The following FAM204A variants were observed in gnomAD, a reference collection of about 807,000 sequenced individuals.
FAM204A encodes family with sequence similarity 204 member A, also known as protein FAM204A.
FAM204A carries 16 observed loss-of-function variants against 35.4 expected under a neutral mutation model. The ratio of observed to expected loss-of-function variants is 0.45; its 90% confidence interval spans 0.31 to 0.69. The LOEUF is 0.69. FAM204A is among the 30% of genes least tolerant of loss of function. FAM204A has a pLI of 0.07. For missense variants in FAM204A, 240 were observed against 265.7 expected (o/e 0.90, Z 0.67); for synonymous variants, 76 against 86.9 (o/e 0.88, Z 0.70).
chr10:118,327,706 T>G (rs1352684092), intron 6 of FAM204A, among the ~76,000 whole-genome samples: 6 of 152,238 alleles, frequency 3.9e-5, no homozygotes, highest in African/African-American at 1.4e-4. Context: ...GTACCAGGTC[T>G]GGTCTGTACA....
At position 118,336,311 on chromosome 10, in the gene FAM204A, A is replaced by C; in HGVS notation, c.105T>G (p.Asp35Glu). The change falls in exon 3 of 9, where the codon GAT (aspartate) becomes GAG (glutamate). Residue 35 changes from aspartate to glutamate, a missense_variant. Asp to Glu is a conservative substitution (Grantham distance 45, BLOSUM62 2). Coordinates refer to ENST00000369183, the MANE Select transcript of FAM204A (RefSeq NM_022063.3). ...LENSGLNLQE[D>E]KEDESIRKTE... ...TTTTTCTGATGCTCTCATCCTCTTT[A>C]TCTTCCTGTAAGTTAAGTCCAGAGT... 1.9e-5 allele frequency: 30 copies of C among 1,613,958 alleles called. No individual in the cohort carries two copies. The highest frequency in any genetic ancestry group is 2.5e-5 in the Non-Finnish European group (30 of 1,179,886).
At chr10:118,317,402 A>T (rs1564755982) in intron 7 of FAM204A, among the ~76,000 whole-genome samples, 1 of 152,238 alleles carries the variant, frequency 6.6e-6, no homozygotes, top group Admixed American at 6.5e-5. Flanking sequence ...GACTTGTAAC[A>T]TCTGAAATCT....
At chr10:118,310,951 A>C in intron 8 of FAM204A, 43 bp from the exon 9 acceptor site, 1 of 1,532,438 alleles carries the variant, frequency 6.5e-7, no homozygotes, top group Non-Finnish European at 8.8e-7. Flanking sequence ...TTCTTAAAAA[A>C]AAAAATACTT....
At chr10:118,318,623 C>T (rs941041956) in intron 7 of FAM204A, among the ~76,000 whole-genome samples, 1 of 151,946 alleles carries the variant, frequency 6.6e-6, no homozygotes, top group Non-Finnish European at 1.5e-5. Context: ...AGCTTTGTAT[C>T]TGAGCAAACC....
intron 7 of FAM204A, among the ~76,000 whole-genome samples, chr10:118,315,465 T>C (rs890220092): frequency 2.0e-5 from 3 of 152,170 alleles, no homozygotes; most frequent in African/African-American, 7.2e-5. Context: ...TTCAAGGCAC[T>C]TATTTAAAAA....
chr10:118,310,970 A>G, intron 8 of FAM204A, 62 bp from the exon 9 acceptor site: 1 of 1,474,620 alleles, frequency 6.8e-7, no homozygotes, highest in Non-Finnish European at 9.2e-7. Context: ...TTTGCTGAAC[A>G]TGTTTACTTA....
At chr10:118,321,072 T>G (rs1031368539) in intron 7 of FAM204A, among the ~76,000 whole-genome samples, 4 of 151,958 alleles carry the variant, frequency 2.6e-5, no homozygotes, top group African/African-American at 9.7e-5. Flanking sequence ...TTAAGAACTC[T>G]GGGATCTGTG....
chr10:118,335,373 T>C (rs1355557604), intron 5 of FAM204A, 23 bp downstream of exon 5: 2 of 1,580,446 alleles, frequency 1.3e-6, no homozygotes, highest in East Asian at 2.2e-5. Flanking sequence ...CTAAAATAGA[T>C]AACTATTTTA....
chr10:118,341,969 T>C (rs1402146280), intron 1 of FAM204A, 42 bp from the exon 2 acceptor site: 1 of 152,262 alleles, frequency 6.6e-6, no homozygotes, highest in Non-Finnish European at 1.5e-5. Context: ...GAGCCTGTTT[T>C]CCCTATCGAC....
rs1368572432 is a variant in FAM204A at position 118,310,765 on chromosome 10, TA to T, written c.*91del. 6.4e-5 allele frequency: 68 copies of T among 1,066,758 alleles called. 1 individual carries two copies. The East Asian group carries it at 1.5e-3, about 24-fold the overall frequency. The allele number at this position is 1,066,758 out of a possible 1,614,324, so 66.1% of individuals were successfully genotyped here. A position where few individuals can be genotyped will look rare whatever the true frequency, so the allele number is the denominator to read the frequency against. On this transcript the variant is annotated 3_prime_UTR_variant, in exon 9 of 9. Coordinates refer to ENST00000369183, the MANE Select transcript of FAM204A (RefSeq NM_022063.3). ...TTTATGCTTATTTTTGTTTTAGTGC[TA>T]TCAATTTTCTGACATATTAACATAG... is the stretch of plus-strand genomic sequence containing the variant.
At chr10:118,322,010 C>T (rs1488235239) in intron 7 of FAM204A, among the ~76,000 whole-genome samples, 1 of 152,044 alleles carries the variant, frequency 6.6e-6, no homozygotes, top group African/African-American at 2.4e-5. Context: ...CAAAGGCACA[C>T]AAAAGATTCT....
rs1443937978 is a variant in FAM204A, at chr10:118,335,139, G to A, written c.428C>T (p.Pro143Leu). The A allele has an allele frequency of 1.2e-6, 2 of 1,612,982 alleles. No individual in the cohort carries two copies. Among genetic ancestry groups the A allele is most frequent in the African/African-American group, 1.3e-5 (1 of 74,860 alleles). Residue 143 changes from proline (P) to leucine (L), a missense_variant, in exon 6 of 9, where the codon CCT becomes CTT. Pro to Leu is a moderately conservative substitution (Grantham distance 98). This residue lies in a region of FAM204A where 232 missense variants were observed against 242.8 expected (regional missense o/e 0.96). Coordinates refer to ENST00000369183, the MANE Select transcript of FAM204A (RefSeq NM_022063.3). The part of the protein sequence containing the change: ...YFGVNDRFDP[P>L]VKRKKVEKSG... ...CTTCTCAACTTTTTTCCTTTTAACA[G>A]GCGGGTCAAATCTATCATTGACTCC...
chr10:118,330,058 A>G (rs2133285386), intron 6 of FAM204A, among the ~76,000 whole-genome samples: 1 of 152,332 alleles, frequency 6.6e-6, no homozygotes, highest in South Asian at 2.1e-4. Context: ...CAGAGCTTAA[A>G]ATAGTACCTG....
intron 6 of FAM204A, among the ~76,000 whole-genome samples, chr10:118,327,277 T>C (rs1470745881): frequency 1.3e-5 from 2 of 152,222 alleles, no homozygotes; most frequent in Non-Finnish European, 2.9e-5. Context: ...ATTTTGTTCC[T>C]GTGTAGCCTT....
chr10:118,336,412 A>G lies in FAM204A; in HGVS notation c.4T>C (p.Trp2Arg). ...AGGCCAGGAGGTAGCAGCCCACTCC[A>G]CATCTTTTCTTCTATGAGGAAAAAG... is the stretch of plus-strand genomic sequence containing the variant. M[W>R]SGLLPPGLNE... Residue 2 changes from tryptophan (W) to arginine (R), a missense_variant, in exon 3 of 9, where the codon TGG becomes CGG. Trp to Arg is a moderately radical substitution (Grantham distance 101). This residue lies in a region of FAM204A where 232 missense variants were observed against 242.8 expected (regional missense o/e 0.96). Transcript: ENST00000369183. The G allele has an allele frequency of 6.2e-7, 1 of 1,606,744 alleles. No homozygotes were observed. Among genetic ancestry groups the G allele is most frequent in the Non-Finnish European group, 8.5e-7 (1 of 1,177,272 alleles).
At chr10:118,335,973 T>A in intron 3 of FAM204A, 1 of 583,740 alleles carries the variant, frequency 1.7e-6, no homozygotes. Context: ...GTTTTTTTTT[T>A]TTCCCCCTCC....
At chr10:118,315,714 A>G (rs930319074) in intron 7 of FAM204A, among the ~76,000 whole-genome samples, 1 of 152,160 alleles carries the variant, frequency 6.6e-6, no homozygotes, top group Non-Finnish European at 1.5e-5. Flanking sequence ...AGGAGACGAA[A>G]GAGATCAAAG....
In FAM204A at chr10:118,313,434, G is replaced by A. The variant is rs866559131; in HGVS notation, c.544-2121C>T. ...ATTTCTGCTCAGAGCCCACTGGTCA[G>A]AACTACTCACGTGGCTCCGAAACAA... On this transcript the variant is annotated intron_variant, in intron 7 of 8. Transcript: ENST00000369183. Among the ~76,000 whole-genome samples the A allele has an allele frequency of 3.3e-5, 5 of 152,258 alleles. No homozygotes were observed. The South Asian group carries it at 1.0e-3, about 32-fold the overall frequency.
At chr10:118,313,522 CTCTCT>C (rs1286843543) in intron 7 of FAM204A, among the ~76,000 whole-genome samples, 1 of 152,168 alleles carries the variant, frequency 6.6e-6, no homozygotes, top group Non-Finnish European at 1.5e-5. Context: ...ACCTAATAAA[CTCTCT>C]TCTGCTGTAA....
Sources: allele counts gnomAD v4.1 joint callset (sites outside exome capture counted in the v4.1 genomes callset), GRCh38; gene constraint gnomAD v4.1.1; regional missense constraint gnomAD v4.1.1; transcripts MANE v1.5; gene names NCBI Gene and HGNC (gene_info 2026-07-23, HGNC 2026-07-21).